Variants in TTC6 observed in about 807,000 individuals in gnomAD.
TTC6 encodes tetratricopeptide repeat domain 6.
A neutral mutation model predicts 210.4 loss-of-function variants in TTC6; 172 were observed. That is an observed-to-expected ratio of 0.82 (90% CI 0.72 to 0.93). TTC6 has a LOEUF of 0.93. TTC6 is among the 40% of genes least tolerant of loss of function. The pLI is 0.00. For synonymous variants in TTC6, 804 were observed against 819.6 expected (o/e 0.98, Z 0.32); for missense variants, 2,414 against 2,318.1 (o/e 1.04, Z -0.85).
rs34766491 is a variant in TTC6 at position 37,792,776 on chromosome 14, T to TTGTGTG, written c.3708+400_3708+405dup. On this transcript the variant is annotated intron_variant, in intron 17 of 30. Transcript: ENST00000553443. ...AACAATTTGAGTCTATGGTCCAATG[T>TTGTGTG]TGTGTGTGTGTGTGTGTGTGTGTGT... is the stretch of plus-strand genomic sequence containing the variant. Among the ~76,000 whole-genome samples the TTGTGTG allele has an allele frequency of 6.2e-3, 865 of 140,096 alleles. 4 individuals carry two copies. Among genetic ancestry groups the TTGTGTG allele is most frequent in the African/African-American group, 0.018 (676 of 37,358 alleles). The allele number at this position is 140,096 out of a possible 152,430, so 91.9% of individuals were successfully genotyped here.
intron 10 of TTC6, among the ~76,000 whole-genome samples, chr14:37,740,197 T>A (rs1237256656): frequency 1.3e-5 from 2 of 151,748 alleles, no homozygotes; most frequent in Non-Finnish European, 2.9e-5. Context: ...TTTTTTAATA[T>A]TGTAAGCTCT....
At chr14:37,714,128 A>G (rs1218308684) in intron 5 of TTC6, among the ~76,000 whole-genome samples, 1 of 152,166 alleles carries the variant, frequency 6.6e-6, no homozygotes, top group African/African-American at 2.4e-5. Flanking sequence ...GTTTAGCTTA[A>G]TCTTTTATTG....
intron 29 of TTC6, among the ~76,000 whole-genome samples, chr14:37,835,234 G>A (rs942645213): frequency 6.6e-6 from 1 of 152,068 alleles, no homozygotes; most frequent in African/African-American, 2.4e-5. Flanking sequence ...GGGTGAGTGT[G>A]GTGTGAAATG....
intron 20 of TTC6, among the ~76,000 whole-genome samples, chr14:37,798,151 A>G (rs1229706396): frequency 6.6e-6 from 1 of 152,084 alleles, no homozygotes; most frequent in Non-Finnish European, 1.5e-5. Flanking sequence ...ACTCTGCCAT[A>G]TACATGTTAA....
At chr14:37,785,873 G>T (rs2096066316) in intron 14 of TTC6, among the ~76,000 whole-genome samples, 1 of 152,140 alleles carries the variant, frequency 6.6e-6, no homozygotes, top group Non-Finnish European at 1.5e-5. Context: ...AGGTCTGTTG[G>T]AGTTTGCTGG....
intron 6 of TTC6, among the ~76,000 whole-genome samples, chr14:37,722,146 T>C (rs76324360): frequency 0.019 from 2,925 of 152,070 alleles, 67 homozygotes; most frequent in African/African-American, 0.052. Context: ...ACAAGAGTTA[T>C]TGCATCAGCT....
chr14:37,824,090 C>A, intron 27 of TTC6, 133 bp downstream of exon 29: 1 of 864,672 alleles, frequency 1.2e-6, no homozygotes, highest in Non-Finnish European at 1.8e-6. Context: ...TTTTAGGTTC[C>A]AGAGTAGCAG....
chr14:37,616,184 G>A (rs1297448653), intron 2 of TTC6, among the ~76,000 whole-genome samples: 2 of 152,144 alleles, frequency 1.3e-5, no homozygotes, highest in African/African-American at 4.8e-5. Flanking sequence ...GACGTGTGGG[G>A]TTTAGATAGA....
intron 27 of TTC6, among the ~76,000 whole-genome samples, chr14:37,825,368 G>T (rs932740704): frequency 6.6e-6 from 1 of 152,218 alleles, no homozygotes; most frequent in Non-Finnish European, 1.5e-5. Flanking sequence ...ACAGGGTCTT[G>T]TTCCCTTAAC....
chr14:37,622,664 C>T (rs1451779312), exon 1 of TTC6: 1 of 1,535,066 alleles, frequency 6.5e-7, no homozygotes, highest in African/African-American at 1.4e-5. Flanking sequence ...CCTGCATGGC[C>T]AAAGAGAGGA....
intron 1 of TTC6, among the ~76,000 whole-genome samples, chr14:37,645,793 C>T (rs2095700551): frequency 6.6e-6 from 1 of 152,134 alleles, no homozygotes; most frequent in Admixed American, 6.6e-5. Context: ...AGCCAAGAGC[C>T]AGATCAACTG....
intron 6 of TTC6, among the ~76,000 whole-genome samples, chr14:37,718,497 C>T (rs781735598): frequency 1.3e-5 from 2 of 152,124 alleles, no homozygotes; most frequent in Admixed American, 6.5e-5. Context: ...TTTCCCCACA[C>T]CACTCTTATT....
chr14:37,646,660 C>T (rs2095702287), intron 1 of TTC6, among the ~76,000 whole-genome samples: 1 of 152,122 alleles, frequency 6.6e-6, no homozygotes. Flanking sequence ...CTCACTAATG[C>T]AGTATTCCTT....
chr14:37,676,742 A>G (rs2095770551), intron 1 of TTC6, among the ~76,000 whole-genome samples: 1 of 152,060 alleles, frequency 6.6e-6, no homozygotes, highest in African/African-American at 2.4e-5. Context: ...AATTTTGTAC[A>G]TCATTTGAGA....
intron 29 of TTC6, among the ~76,000 whole-genome samples, chr14:37,829,424 G>A (rs2096179666): frequency 6.6e-6 from 1 of 151,198 alleles, no homozygotes; most frequent in African/African-American, 2.4e-5. Flanking sequence ...TTTTGTTGTA[G>A]TGATTATCTT....
At chr14:37,735,453 A>G (rs1161548188) in intron 7 of TTC6, among the ~76,000 whole-genome samples, 2 of 152,198 alleles carry the variant, frequency 1.3e-5, no homozygotes, top group African/African-American at 4.8e-5. Context: ...ATATATCTAC[A>G]TACTTAACCG....
chr14:37,827,406 A>G lies in TTC6; in HGVS notation c.5298+40A>G, dbSNP rs144176828. ...ACTTAACGCTTTCTTTTTGACCTGG[A>G]ATGCTTTCTTTATTATATATAGCTT... On this transcript the variant is annotated intron_variant, in intron 29 of 30. Transcript: ENST00000553443. 1,176 of 1,593,874 alleles carry G rather than the reference A, an allele frequency of 7.4e-4. 15 individuals are homozygous for G. In the Admixed American group the frequency reaches 0.018, roughly 25 times the overall value.
chr14:37,612,006 A>AT (rs1373313528), intron 2 of TTC6, among the ~76,000 whole-genome samples: 2 of 151,884 alleles, frequency 1.3e-5, no homozygotes, highest in Admixed American at 1.3e-4. Flanking sequence ...TTTTTTTAAC[A>AT]TGCAAATCTA....
chr14:37,840,539 C>CAA (rs375704511), intron 29 of TTC6, among the ~76,000 whole-genome samples: 2 of 145,748 alleles, frequency 1.4e-5, no homozygotes, highest in East Asian at 4.0e-4. Context: ...CACAACAAAA[C>CAA]AAAAAAAAAA....
Sources: gnomAD v4.1 joint callset for allele counts (sites outside exome capture counted in the v4.1 genomes callset) on GRCh38, gnomAD v4.1.1 for gene constraint, MANE v1.5 for transcripts, NCBI Gene and HGNC (gene_info 2026-07-23, HGNC 2026-07-21) for gene names.